Variants in C3orf49 observed in about 807,000 individuals in gnomAD.
C3orf49 encodes the protein chromosome 3 open reading frame 49, also known as putative uncharacterized protein C3orf49.
Under a neutral mutation model 13.3 loss-of-function variants are expected in C3orf49, and 27 were observed. That is an observed-to-expected ratio of 2.02 (90% CI 1.49 to 2.79). The LOEUF (loss-of-function observed/expected upper bound fraction) is 2.79. Ranked by LOEUF, C3orf49 falls within the 30% of genes most tolerant of loss-of-function variation. The pLI is 0.00. For missense variants in C3orf49, 242 were observed against 134.2 expected (o/e 1.80, Z -3.97); for synonymous variants, 87 against 47.6 (o/e 1.83, Z -3.40).
At chr3:63,796,327 A>C in the C3orf49 span, among the ~76,000 whole-genome samples, 2 of 152,144 alleles carry the variant, frequency 1.3e-5, no homozygotes, top group African/African-American at 2.4e-5. Flanking sequence ...AAAAATATTA[A>C]TATGATTCAT....
At chr3:63,830,496 G>T (rs1244484279) in intron 3 of C3orf49, among the ~76,000 whole-genome samples, 2 of 152,086 alleles carry the variant, frequency 1.3e-5, no homozygotes, top group African/African-American at 2.4e-5. Context: ...AAGCACAAGG[G>T]GAAGGAAGAG....
At chr3:63,813,936 G>T in the C3orf49 span, among the ~76,000 whole-genome samples, 1 of 152,044 alleles carries the variant, frequency 6.6e-6, no homozygotes, top group Non-Finnish European at 1.5e-5. Context: ...AATGATTCCG[G>T]GTCACTAAAG....
At chr3:63,810,570 T>A in the C3orf49 span, among the ~76,000 whole-genome samples, 3 of 152,226 alleles carry the variant, frequency 2.0e-5, no homozygotes, top group African/African-American at 7.2e-5. Context: ...TGCTACTACA[T>A]GTCATTTTGT....
At chr3:63,816,041 C>T (rs1701320951), upstream of C3orf49, among the ~76,000 whole-genome samples, 1 of 151,456 alleles carries the variant, frequency 6.6e-6, no homozygotes, top group Admixed American at 6.6e-5. Context: ...GCCTCGGCCT[C>T]TCAAAGTGCC....
the C3orf49 span, among the ~76,000 whole-genome samples, chr3:63,794,338 A>G: frequency 5.3e-5 from 8 of 152,112 alleles, no homozygotes; most frequent in African/African-American, 1.9e-4. Context: ...CCTGGATGCC[A>G]TCACTTCAAC....
chr3:63,785,916 A>G, the C3orf49 span: 1 of 152,228 alleles, frequency 6.6e-6, no homozygotes, highest in Non-Finnish European at 1.5e-5. Context: ...AATATTCATG[A>G]AAAGGGAAAT....
At chr3:63,818,731 C>T (rs917157927), upstream of C3orf49, among the ~76,000 whole-genome samples, 5 of 152,186 alleles carry the variant, frequency 3.3e-5, no homozygotes, top group African/African-American at 1.2e-4. Flanking sequence ...TCTGCTGCCA[C>T]CTTGTGGTGA....
chr3:63,838,276 A>G, intron 5 of C3orf49: 1 of 1,004,742 alleles, frequency 1.0e-6, no homozygotes, highest in Non-Finnish European at 1.4e-6. Context: ...AGTAATTGTT[A>G]TTATTCTTTT....
the C3orf49 span, among the ~76,000 whole-genome samples, chr3:63,809,520 T>G: frequency 6.6e-6 from 1 of 152,154 alleles, no homozygotes; most frequent in Non-Finnish European, 1.5e-5. Flanking sequence ...TTGGGTAGCA[T>G]CACTCCTTTT....
chr3:63,821,796 G>C (rs954164222), intron 1 of C3orf49, among the ~76,000 whole-genome samples: 7 of 152,124 alleles, frequency 4.6e-5, no homozygotes, highest in South Asian at 2.1e-4. Context: ...TTTAAGAAAG[G>C]GGGGACCAGT....
At chr3:63,838,643 C>T in intron 5 of C3orf49, 1 of 778,984 alleles carries the variant, frequency 1.3e-6, no homozygotes, top group Middle Eastern at 3.6e-4. Flanking sequence ...GAATATCTGT[C>T]CCTTAAGTTT....
At chr3:63,809,802 G>A in the C3orf49 span, among the ~76,000 whole-genome samples, 1 of 152,148 alleles carries the variant, frequency 6.6e-6, no homozygotes, top group African/African-American at 2.4e-5. Context: ...CTCATTTCCT[G>A]TAGGTCTCTG....
the C3orf49 span, among the ~76,000 whole-genome samples, chr3:63,784,556 C>G: frequency 6.6e-6 from 1 of 152,246 alleles, no homozygotes; most frequent in African/African-American, 2.4e-5. Flanking sequence ...TGGCAGAAGA[C>G]AGCATATCCC....
At chr3:63,840,298 G>T (rs902146858) in intron 5 of C3orf49, among the ~76,000 whole-genome samples, 2 of 152,086 alleles carry the variant, frequency 1.3e-5, no homozygotes, top group Non-Finnish European at 2.9e-5. Context: ...AAATGAGATG[G>T]GTGAGGGAAA....
chr3:63,807,361 G>T, the C3orf49 span, among the ~76,000 whole-genome samples: 1 of 151,934 alleles, frequency 6.6e-6, no homozygotes, highest in African/African-American at 2.4e-5. Context: ...TGGGGTGAGG[G>T]GTATGATTAT....
At chr3:63,808,383 T>C in the C3orf49 span, among the ~76,000 whole-genome samples, 2 of 152,232 alleles carry the variant, frequency 1.3e-5, no homozygotes, top group African/African-American at 4.8e-5. Context: ...CCCTGTGGTG[T>C]CAGGAAATTA....
At chr3:63,810,139 C>T in the C3orf49 span, among the ~76,000 whole-genome samples, 1 of 151,568 alleles carries the variant, frequency 6.6e-6, no homozygotes, top group African/African-American at 2.4e-5. Context: ...GAGCAAGACA[C>T]CATCTCAAAA....
intron 5 of C3orf49, among the ~76,000 whole-genome samples, chr3:63,837,220 C>T (rs994334256): frequency 6.6e-6 from 1 of 151,834 alleles, no homozygotes; most frequent in Non-Finnish European, 1.5e-5. Flanking sequence ...AACAAAACAA[C>T]ACAAAAACAG....
the C3orf49 span, among the ~76,000 whole-genome samples, chr3:63,785,726 C>T: frequency 6.6e-6 from 1 of 152,072 alleles, no homozygotes; most frequent in Non-Finnish European, 1.5e-5. Flanking sequence ...GCAAATGCCA[C>T]CCCCAAAATA....
Sources: gnomAD v4.1 joint callset for allele counts (sites outside exome capture counted in the v4.1 genomes callset) on GRCh38, gnomAD v4.1.1 for gene constraint, MANE v1.5 for transcripts, NCBI Gene and HGNC (gene_info 2026-07-23, HGNC 2026-07-21) for gene names.